DTWD2: variants seen among roughly 807,000 people sequenced by gnomAD.
DTWD2 encodes DTW motif tRNA-uridine aminocarboxypropyltransferase 2, also known as tRNA-uridine aminocarboxypropyltransferase 2.
Under a neutral mutation model 31.8 loss-of-function variants are expected in DTWD2, and 39 were observed. That is an observed-to-expected ratio of 1.22 (90% CI 0.95 to 1.60). DTWD2 has a LOEUF of 1.60. Ranked by LOEUF, DTWD2 falls within the 40% of genes most tolerant of loss-of-function variation. The pLI, the probability that DTWD2 is intolerant of heterozygous loss-of-function variation, is 0.00. For missense variants in DTWD2, 515 were observed against 381.5 expected (o/e 1.35, Z -2.92); for synonymous variants, 180 against 142.8 (o/e 1.26, Z -1.86).
chr5:118,987,866 T>A (rs767249090), intron 1 of DTWD2, among the ~76,000 whole-genome samples: 1 of 152,172 alleles, frequency 6.6e-6, no homozygotes, highest in South Asian at 2.1e-4. Context: ...AAAGGCCCTA[T>A]ATTTAGAGTT....
intron 4 of DTWD2, among the ~76,000 whole-genome samples, chr5:118,850,041 A>T (rs1751961100): frequency 6.6e-6 from 1 of 151,996 alleles, no homozygotes; most frequent in South Asian, 2.1e-4. Context: ...GAAAATGAAA[A>T]AAAATAAAAT....
At chr5:118,847,440 C>A (rs1751884787) in intron 5 of DTWD2, among the ~76,000 whole-genome samples, 1 of 151,984 alleles carries the variant, frequency 6.6e-6, no homozygotes. Context: ...ACTATTTTTT[C>A]TTTTGCTACA....
At chr5:118,932,167 C>CACA (rs768901252) in intron 3 of DTWD2, among the ~76,000 whole-genome samples, 1 of 151,666 alleles carries the variant, frequency 6.6e-6, no homozygotes, top group African/African-American at 2.4e-5. Context: ...TCCTTAAAAA[C>CACA]ACAACAACAA....
At chr5:118,976,145 G>C (rs1755151758) in intron 1 of DTWD2, among the ~76,000 whole-genome samples, 2 of 152,220 alleles carry the variant, frequency 1.3e-5, no homozygotes, top group South Asian at 2.1e-4. Flanking sequence ...AAACCAATGA[G>C]AACAAAGACA....
intron 4 of DTWD2, among the ~76,000 whole-genome samples, chr5:118,878,363 T>G (rs1752666878): frequency 6.6e-6 from 1 of 151,964 alleles, no homozygotes; most frequent in Non-Finnish European, 1.5e-5. Flanking sequence ...GCCCACACAC[T>G]TACAACTATC....
intron 1 of DTWD2, among the ~76,000 whole-genome samples, chr5:118,957,288 C>A (rs1212455872): frequency 6.6e-6 from 1 of 151,748 alleles, no homozygotes; most frequent in Admixed American, 6.6e-5. Context: ...GTGGCATGAT[C>A]TCGGCTCACT....
intron 3 of DTWD2, among the ~76,000 whole-genome samples, chr5:118,930,514 C>G (rs1231954568): frequency 1.3e-5 from 2 of 151,952 alleles, no homozygotes; most frequent in African/African-American, 4.8e-5. Context: ...AATTGAGGCT[C>G]CAGGGCAAAC....
intron 5 of DTWD2, among the ~76,000 whole-genome samples, chr5:118,846,497 C>T (rs569793852): frequency 6.6e-6 from 1 of 152,252 alleles, no homozygotes; most frequent in East Asian, 1.9e-4. Flanking sequence ...AAGGAATATA[C>T]TTTTCCCTCA....
At chr5:118,975,540 C>T (rs1046100578) in intron 1 of DTWD2, among the ~76,000 whole-genome samples, 18 of 152,154 alleles carry the variant, frequency 1.2e-4, no homozygotes, top group Non-Finnish European at 2.5e-4. Context: ...ATACATCAAA[C>T]TCATTCTCCA....
At position 118,841,042 on chromosome 5, in the gene DTWD2, G is replaced by A; in HGVS notation, c.772C>T (p.His258Tyr). ...TTGCTGAGGCGAATTTGGGCACCAT[G>A]CTGAAGTTGAAAGGAGCATAAAGCT... The part of the protein sequence containing the change: ...LQALCSFQLQ[H>Y]GAQIRLSKEH... The change falls in exon 6 of 6, where the codon CAT becomes TAT. Residue 258 changes from histidine to tyrosine, a missense_variant. Transcript: ENST00000510708. 1.2e-6 allele frequency: 2 copies of A among 1,613,454 alleles called. No homozygotes were observed. Among genetic ancestry groups the A allele is most frequent in the East Asian group, 4.5e-5 (2 of 44,760 alleles).
intron 4 of DTWD2, among the ~76,000 whole-genome samples, chr5:118,896,870 C>T (rs1175423586): frequency 6.6e-6 from 1 of 152,200 alleles, no homozygotes; most frequent in African/African-American, 2.4e-5. Context: ...CCCATCCCTG[C>T]CAAAGTGCCA....
At chr5:118,933,603 C>T (rs1007245257) in intron 3 of DTWD2, among the ~76,000 whole-genome samples, 5 of 152,068 alleles carry the variant, frequency 3.3e-5, no homozygotes, top group Non-Finnish European at 7.4e-5. Context: ...ACCCAAAGCC[C>T]ACTCATGATA....
intron 1 of DTWD2, among the ~76,000 whole-genome samples, chr5:118,966,451 A>G (rs1389594457): frequency 1.3e-5 from 2 of 152,190 alleles, no homozygotes; most frequent in East Asian, 1.9e-4. Flanking sequence ...GAAGCATTGA[A>G]TATCTGTCAC....
intron 3 of DTWD2, among the ~76,000 whole-genome samples, chr5:118,935,397 G>A (rs1309536370): frequency 2.0e-5 from 3 of 152,312 alleles, no homozygotes; most frequent in East Asian, 1.9e-4. Flanking sequence ...GCGGGGAAGG[G>A]GCAGTCTTGG....
At chr5:118,863,190 C>G (rs1752306284) in intron 4 of DTWD2, among the ~76,000 whole-genome samples, 1 of 152,196 alleles carries the variant, frequency 6.6e-6, no homozygotes, top group African/African-American at 2.4e-5. Context: ...GGTTATTTAA[C>G]TTTATACTTT....
chr5:118,914,135 T>C (rs1405284747), intron 4 of DTWD2, among the ~76,000 whole-genome samples: 4 of 152,202 alleles, frequency 2.6e-5, no homozygotes, highest in Non-Finnish European at 4.4e-5. Context: ...CTGGTTTAAA[T>C]GTGTCCCCTA....
intron 1 of DTWD2, among the ~76,000 whole-genome samples, chr5:118,982,518 A>G (rs931724354): frequency 1.3e-5 from 2 of 152,152 alleles, no homozygotes; most frequent in African/African-American, 2.4e-5. Flanking sequence ...ATTTCAAAGA[A>G]TAAACATATT....
intron 1 of DTWD2, among the ~76,000 whole-genome samples, chr5:118,969,300 G>C (rs1754926838): frequency 6.6e-6 from 1 of 152,182 alleles, no homozygotes; most frequent in South Asian, 2.1e-4. Flanking sequence ...ATTCCCCTCA[G>C]CTCAGCACAC....
chr5:118,878,133 G>T (rs1328705280), intron 4 of DTWD2, among the ~76,000 whole-genome samples: 3 of 152,064 alleles, frequency 2.0e-5, no homozygotes, highest in Non-Finnish European at 4.4e-5. Flanking sequence ...TTCTCATTGA[G>T]ATTCTTCACA....
Sources: gnomAD v4.1 joint callset for allele counts (sites outside exome capture counted in the v4.1 genomes callset) on GRCh38, gnomAD v4.1.1 for gene constraint, MANE v1.5 for transcripts, NCBI Gene and HGNC (gene_info 2026-07-23, HGNC 2026-07-21) for gene names.